The following MED12L variants were observed in gnomAD, a reference collection of about 807,000 sequenced individuals.
The protein encoded by MED12L is mediator complex subunit 12L.
Under a neutral mutation model 281.3 loss-of-function variants are expected in MED12L, and 60 were observed. That is an observed-to-expected ratio of 0.21 (90% CI 0.17 to 0.26). The LOEUF (loss-of-function observed/expected upper bound fraction) is 0.26. Ranked by LOEUF, MED12L falls within the 10% of genes least tolerant of loss-of-function variation. The pLI is 1.00. For synonymous variants in MED12L, 974 were observed against 987.2 expected, an observed-to-expected ratio of 0.99 and a Z score of 0.25; for missense variants, 2,146 against 2,680.9, an observed-to-expected ratio of 0.80 and a Z score of 4.41.
At chr3:151,116,908 A>C (rs868298737) in intron 3 of MED12L, among the ~76,000 whole-genome samples, 1 of 152,296 alleles carries the variant, frequency 6.6e-6, no homozygotes, top group African/African-American at 2.4e-5. Flanking sequence ...GGTGTCTACC[A>C]TCTCCCTGCA....
chr3:151,316,691 G>A (rs1041327029), intron 16 of MED12L: 9 of 152,194 alleles, frequency 5.9e-5, no homozygotes, highest in African/African-American at 2.2e-4. Context: ...AAGGTCGGCA[G>A]GGAAGTGGAT....
intron 39 of MED12L, among the ~76,000 whole-genome samples, chr3:151,395,180 C>A (rs6803771): frequency 0.3 from 45,387 of 151,874 alleles, 7,585 homozygotes; most frequent in Non-Finnish European, 0.38. Context: ...TTCTCTGAGC[C>A]CTCATTTTTC....
intron 16 of MED12L, among the ~76,000 whole-genome samples, chr3:151,215,027 A>G (rs912120287): frequency 2.0e-5 from 3 of 152,308 alleles, no homozygotes; most frequent in African/African-American, 4.8e-5. Context: ...TATGTTGGAC[A>G]TGAAGACAGT....
Position 151,266,481 on chromosome 3 carries a change from A to G in MED12L, c.2250+72815A>G, listed in dbSNP as rs79818571. ...AGACTCTAGACATTTTTTAAATTAT[A>G]TTTTTACAGAAGCAGTTGTATAATA... On this transcript the variant is annotated intron_variant, in intron 16 of 44. Transcript: ENST00000687756. 9.5e-3 allele frequency among the ~76,000 whole-genome samples: 1,442 copies of G among 152,290 alleles called. 19 individuals carry two copies. Among genetic ancestry groups the G allele is most frequent in the African/African-American group, 0.033 (1,354 of 41,554 alleles).
intron 17 of MED12L, among the ~76,000 whole-genome samples, chr3:151,354,097 C>T (rs966731734): frequency 1.4e-5 from 2 of 141,164 alleles, no homozygotes; most frequent in African/African-American, 2.6e-5. Flanking sequence ...GCCGAGATCC[C>T]GCCACTGCAC....
chr3:151,213,937 A>G (rs1330587726), intron 16 of MED12L: 3 of 1,614,198 alleles, frequency 1.9e-6, no homozygotes, highest in East Asian at 2.2e-5. Context: ...AGAAGTCCAA[A>G]GAGGCTTTAC....
chr3:151,191,068 C>T lies in MED12L; in HGVS notation c.1968+137C>T. 1.1e-5 allele frequency: 8 copies of T among 696,706 alleles called. No individual in the cohort carries two copies. In the East Asian group the frequency reaches 1.6e-4, roughly 14 times the overall value. The allele number at this position is 696,706 out of a possible 1,614,324, so 43.2% of individuals were successfully genotyped here. A position where few individuals can be genotyped will look rare whatever the true frequency, so the allele number is the denominator to read the frequency against. On this transcript the variant is annotated intron_variant, in intron 14 of 44. Coordinates refer to ENST00000687756, the MANE Select transcript of MED12L (RefSeq NM_001393769.1). ...TTGCCCCAGTGGTTGTTTATCTCTACTTCTCGAGCAGGAAAGATATTTACA... is the reference window on the plus strand; with the variant it reads ...TTGCCCCAGTGGTTGTTTATCTCTATTTCTCGAGCAGGAAAGATATTTACA...
At chr3:151,136,061 C>G (rs1371581481) in intron 5 of MED12L, among the ~76,000 whole-genome samples, 1 of 152,130 alleles carries the variant, frequency 6.6e-6, no homozygotes, top group Non-Finnish European at 1.5e-5. Flanking sequence ...CTCTGTGCCA[C>G]CTGAGGTTTT....
At chr3:151,293,620 G>T (rs866260560) in intron 16 of MED12L, among the ~76,000 whole-genome samples, 1 of 24,158 alleles carries the variant, frequency 4.1e-5, no homozygotes, top group Non-Finnish European at 8.5e-5. Context: ...CACACACACG[G>T]TCCTAAAATG....
chr3:151,226,365 G>T (rs530002737), intron 16 of MED12L, among the ~76,000 whole-genome samples: 2 of 152,206 alleles, frequency 1.3e-5, no homozygotes, highest in African/African-American at 2.4e-5. Flanking sequence ...GTAACATGAT[G>T]GAATCTTGCC....
chr3:151,369,565 C>A lies in MED12L; in HGVS notation c.3664+16C>A. ...ATGATGCTTGGTAAGATTATTCTGA[C>A]CCTAAGCTTCTTGGTTAATCACCAG... On this transcript the variant is annotated intron_variant, in intron 26 of 44. Transcript: ENST00000687756. The A allele has an allele frequency of 1.3e-6, 2 of 1,506,620 alleles. No individual in the cohort carries two copies. Among genetic ancestry groups the A allele is most frequent in the Non-Finnish European group, 1.8e-6 (2 of 1,101,058 alleles). 93.3% of individuals were successfully genotyped at this position (1,506,620 alleles called of 1,614,324 possible). A position where few individuals can be genotyped will look rare whatever the true frequency, so the allele number is the denominator to read the frequency against.
At chr3:151,147,712 T>C (rs1717927327) in intron 5 of MED12L, among the ~76,000 whole-genome samples, 2 of 152,388 alleles carry the variant, frequency 1.3e-5, no homozygotes, top group South Asian at 4.1e-4. Context: ...TAGGGCCGAA[T>C]GGTGTTCCAT....
At chr3:151,194,979 A>G (rs1042133564) in intron 16 of MED12L, among the ~76,000 whole-genome samples, 1 of 152,140 alleles carries the variant, frequency 6.6e-6, no homozygotes, top group African/African-American at 2.4e-5. Flanking sequence ...CCTGGCTAAC[A>G]TGGTGAAACC....
intron 16 of MED12L, among the ~76,000 whole-genome samples, chr3:151,232,660 A>G (rs972524800): frequency 1.3e-5 from 2 of 152,248 alleles, no homozygotes; most frequent in African/African-American, 4.8e-5. Context: ...GCTGGAAACC[A>G]TTATCCTTAG....
In MED12L at chr3:151,172,468, G is replaced by A. The variant is rs117475228; in HGVS notation, c.1494+6486G>A. Among the ~76,000 whole-genome samples, 3 of 152,322 alleles carry A rather than the reference G, an allele frequency of 2.0e-5. No individual in the cohort carries two copies. The East Asian group carries it at 5.8e-4, about 29-fold the overall frequency. On this transcript the variant is annotated intron_variant, in intron 11 of 44. Transcript: ENST00000687756. The stretch of plus-strand genomic sequence containing the variant: ...AGTGGGCCCCTTGGGGCTACTGTGG[G>A]CACACACAGATACCCATCACGCAGT...
chr3:151,092,219 C>G (rs1225092618), intron 2 of MED12L, among the ~76,000 whole-genome samples: 1 of 151,906 alleles, frequency 6.6e-6, no homozygotes, highest in Non-Finnish European at 1.5e-5. Flanking sequence ...GTTCTTAGCT[C>G]GGAAACTCCC....
intron 2 of MED12L, among the ~76,000 whole-genome samples, chr3:151,093,013 C>T (rs567532765): frequency 3.3e-5 from 5 of 152,190 alleles, no homozygotes; most frequent in Non-Finnish European, 5.9e-5. Context: ...GTCTGCCAGC[C>T]TCTGCAGCCG....
At chr3:151,361,500 G>A (rs1754611337) in intron 21 of MED12L, among the ~76,000 whole-genome samples, 1 of 152,008 alleles carries the variant, frequency 6.6e-6, no homozygotes, top group South Asian at 2.1e-4. Context: ...TGCTATCTTA[G>A]ACTTAAAATT....
At chr3:151,320,657 G>C (rs1748889824) in intron 16 of MED12L, among the ~76,000 whole-genome samples, 1 of 152,178 alleles carries the variant, frequency 6.6e-6, no homozygotes, top group Non-Finnish European at 1.5e-5. Flanking sequence ...AACTTCATTT[G>C]ATTAAAGGGA....
Sources: allele counts gnomAD v4.1 joint callset (sites outside exome capture counted in the v4.1 genomes callset), GRCh38; gene constraint gnomAD v4.1.1; transcripts MANE v1.5; gene names NCBI Gene and HGNC (gene_info 2026-07-23, HGNC 2026-07-21).